The following MFAP1 variants were observed in gnomAD, a reference collection of about 807,000 sequenced individuals.
The protein encoded by MFAP1 is microfibrillar-associated protein 1.
MFAP1 carries 18 observed loss-of-function variants against 62.2 expected under a neutral mutation model. The ratio of observed to expected loss-of-function variants is 0.29; its 90% confidence interval spans 0.20 to 0.43. MFAP1 has a LOEUF of 0.43. Among genes scored for constraint, MFAP1 ranks in the 20% least tolerant of loss-of-function variants. The pLI is 1.00. For synonymous variants in MFAP1, 175 were observed against 180.4 expected (o/e 0.97, Z 0.24); for missense variants, 355 against 559.7 (o/e 0.63, Z 3.69).
chr15:43,816,288 C>G (rs1421392650), intron 2 of MFAP1, among the ~76,000 whole-genome samples: 1 of 150,552 alleles, frequency 6.6e-6, no homozygotes, highest in African/African-American at 2.4e-5. Context: ...CTTTGTCACC[C>G]AGGCTGGAGT....
intron 2 of MFAP1, among the ~76,000 whole-genome samples, chr15:43,815,830 C>T (rs994058501): frequency 2.6e-5 from 4 of 151,878 alleles, no homozygotes; most frequent in Non-Finnish European, 4.4e-5. Flanking sequence ...GATGGAGTTT[C>T]GCCATATTGG....
chr15:43,817,166 C>CTAT (rs59007225), intron 2 of MFAP1, 63 bp downstream of exon 2: 27 of 1,428,570 alleles, frequency 1.9e-5, no homozygotes, highest in Middle Eastern at 2.5e-4. Flanking sequence ...CAAGTATTAG[C>CTAT]TATTATTATT....
intron 1 of MFAP1, 98 bp downstream of exon 1, chr15:43,824,393 G>C: frequency 2.6e-6 from 3 of 1,166,490 alleles, no homozygotes; most frequent in Non-Finnish European, 2.5e-6. Context: ...GATCTCAAGA[G>C]CTGGCGGGGT....
intron 7 of MFAP1, among the ~76,000 whole-genome samples, chr15:43,805,946 CTTTTTTT>C (rs920691277): frequency 7.3e-6 from 1 of 136,914 alleles, no homozygotes; most frequent in African/African-American, 2.7e-5. Flanking sequence ...TGTATTTCTC[CTTTTTTT>C]TTTTTTTTTT....
chr15:43,815,329 C>T (rs1296006155), intron 2 of MFAP1, among the ~76,000 whole-genome samples: 1 of 151,780 alleles, frequency 6.6e-6, no homozygotes, highest in Non-Finnish European at 1.5e-5. Flanking sequence ...ATAGGCGTGC[C>T]ACCACACCTG....
chr15:43,805,334 A>G (rs1376122488), intron 8 of MFAP1, 42 bp downstream of exon 8: 1 of 1,604,630 alleles, frequency 6.2e-7, no homozygotes, highest in Non-Finnish European at 8.5e-7. Flanking sequence ...TCAGCTATCA[A>G]TACATCACTT....
Position 43,805,446 on chromosome 15 carries a change from T to C in MFAP1, c.1067A>G (p.Tyr356Cys). ...GGTAGGAGCGCTGAAATCTCTCTTG[T>C]ATACTTCTTCATCCTCATCCTGTAT... ...AFFMDEDEEVYKRDFSAPTLE... is the reference protein window; with the variant it reads ...AFFMDEDEEVCKRDFSAPTLE... Residue 356 changes from tyrosine to cysteine, a missense_variant, in exon 8 of 9, where the codon TAC becomes TGC. By Grantham distance (194) the Tyr-to-Cys change is radical. Transcript: ENST00000267812. 6.2e-7 allele frequency: 1 copy of C among 1,613,158 alleles called. No individual in the cohort carries two copies. Among genetic ancestry groups the C allele is most frequent in the East Asian group, 2.2e-5 (1 of 44,890 alleles).
chr15:43,815,667 C>G (rs1180502746), intron 2 of MFAP1, among the ~76,000 whole-genome samples: 2 of 151,786 alleles, frequency 1.3e-5, no homozygotes, highest in African/African-American at 4.8e-5. Context: ...GAATCTCACT[C>G]TGTCACCCAG....
At chr15:43,810,900 G>A (rs2087396416) in intron 6 of MFAP1, among the ~76,000 whole-genome samples, 2 of 152,028 alleles carry the variant, frequency 1.3e-5, no homozygotes, top group East Asian at 2.0e-4. Context: ...GGGATTACAG[G>A]TGTGTGCCAC....
rs148782753 is a variant in MFAP1, at chr15:43,818,657, T to C, written c.80-1209A>G. On this transcript the variant is annotated intron_variant, in intron 1 of 8. Transcript: ENST00000267812. ...CCTATAATCGCAGCATTTTGGAAGG[T>C]TGAGGCAGGAGGATTGCTTAAACCC... Among the ~76,000 whole-genome samples the C allele has an allele frequency of 3.5e-3, 525 of 151,980 alleles. 3 individuals are homozygous for C. The highest frequency in any genetic ancestry group is 8.9e-3 in the African/African-American group (367 of 41,462).
At chr15:43,810,624 T>C (rs144952536) in intron 6 of MFAP1, among the ~76,000 whole-genome samples, 3 of 152,022 alleles carry the variant, frequency 2.0e-5, no homozygotes, top group East Asian at 3.9e-4. Context: ...GCCTTGGCCT[T>C]CCAAAGTGTT....
At chr15:43,817,932 C>T (rs940026902) in intron 1 of MFAP1, among the ~76,000 whole-genome samples, 2 of 152,002 alleles carry the variant, frequency 1.3e-5, no homozygotes, top group Non-Finnish European at 2.9e-5. Flanking sequence ...ACTCAATATT[C>T]TAATCTTACC....
chr15:43,822,588 G>A (rs1309967209), intron 1 of MFAP1, among the ~76,000 whole-genome samples: 1 of 151,980 alleles, frequency 6.6e-6, no homozygotes, highest in African/African-American at 2.4e-5. Flanking sequence ...TGGCCAGGCT[G>A]GTCTCAAACT....
At chr15:43,820,025 G>A (rs2087457961) in intron 1 of MFAP1, among the ~76,000 whole-genome samples, 1 of 152,232 alleles carries the variant, frequency 6.6e-6, no homozygotes, top group Non-Finnish European at 1.5e-5. Flanking sequence ...GCGAGTGCCT[G>A]TAGTCCCAGC....
At chr15:43,819,195 A>C (rs2087452691) in intron 1 of MFAP1, among the ~76,000 whole-genome samples, 1 of 152,102 alleles carries the variant, frequency 6.6e-6, no homozygotes, top group Non-Finnish European at 1.5e-5. Context: ...TCTGTCTTTA[A>C]AAACAAAACA....
At chr15:43,811,857 T>C (rs958075955) in intron 6 of MFAP1, among the ~76,000 whole-genome samples, 2 of 151,668 alleles carry the variant, frequency 1.3e-5, no homozygotes, top group Non-Finnish European at 2.9e-5. Context: ...TACCCTCTCA[T>C]ACCTAGTAAT....
At chr15:43,815,867 C>A (rs747484112) in intron 2 of MFAP1, among the ~76,000 whole-genome samples, 11 of 152,066 alleles carry the variant, frequency 7.2e-5, no homozygotes, top group Non-Finnish European at 1.3e-4. Context: ...CTCCTGACCT[C>A]AGGTGATCCG....
intron 6 of MFAP1, chr15:43,810,148 G>A (rs972081840): frequency 5.8e-5 from 25 of 431,022 alleles, no homozygotes; most frequent in East Asian, 5.0e-4. Flanking sequence ...CCCTTCTGAC[G>A]TTCAGACATA....
In MFAP1 at chr15:43,815,202, C is replaced by T. The variant is rs950133892; in HGVS notation, c.300-128G>A. 6 of 1,121,586 alleles carry T rather than the reference C, an allele frequency of 5.3e-6. No homozygotes were observed. The East Asian group carries it at 1.3e-4, about 25-fold the overall frequency. 69.5% of individuals were successfully genotyped at this position (1,121,586 alleles called of 1,614,324 possible). A position where few individuals can be genotyped will look rare whatever the true frequency, so the allele number is the denominator to read the frequency against. ...TACTGAAGTTTTTTTTTTTTTGAGG[C>T]AGGGTCTTGCTCTGTCGCCCAGGCT... On this transcript the variant is annotated intron_variant, in intron 2 of 8. Coordinates refer to ENST00000267812, the MANE Select transcript of MFAP1 (RefSeq NM_005926.3).
Sources: gnomAD v4.1 joint callset for allele counts (sites outside exome capture counted in the v4.1 genomes callset) on GRCh38, gnomAD v4.1.1 for gene constraint, MANE v1.5 for transcripts, NCBI Gene and HGNC (gene_info 2026-07-23, HGNC 2026-07-21) for gene names.